The following AGBL3 variants were observed in gnomAD, a reference collection of about 807,000 sequenced individuals.
AGBL3 encodes cytosolic carboxypeptidase 3.
In AGBL3, 68 loss-of-function variants were observed where a neutral mutation model predicts 94.5. The ratio of observed to expected loss-of-function variants is 0.72; its 90% CI spans 0.59 to 0.88. The LOEUF (loss-of-function observed/expected upper bound fraction) is 0.88, where lower values mean the gene tolerates loss of function less well. Among genes scored for constraint, AGBL3 ranks in the 40% least tolerant of loss-of-function variants. The pLI is 0.00. For missense variants in AGBL3, 934 were observed against 1,103.8 expected (o/e 0.85, Z 2.18); for synonymous variants, 354 against 370.7 (o/e 0.95, Z 0.52).
intron 13 of AGBL3, 48 bp from the exon 14 acceptor site, chr7:135,080,155 T>G (rs1820799370): frequency 7.4e-7 from 1 of 1,348,568 alleles, no homozygotes; most frequent in Non-Finnish European, 1.0e-6. Flanking sequence ...ATACCCCATT[T>G]CATGTTGATA....
rs751857793 is a variant in AGBL3, at chr7:135,034,434, A to G, written c.843A>G (p.Thr281=). Residue 281 remains threonine, a synonymous_variant, in exon 7 of 17, where the codon ACA becomes ACG. Transcript: ENST00000436302. ...ATGGGCGCCATTATTTCTCTCTTAC[A>G]TGGACATTTCAATTTCCACACAACA... ...GQDGRHYFSL[T]WTFQFPHNKD... is the part of the protein sequence containing the mutation. 3.0e-5 allele frequency: 47 copies of G among 1,551,624 alleles called. No homozygotes were observed. Among genetic ancestry groups the G allele is most frequent in the Admixed American group, 3.9e-5 (2 of 50,982 alleles).
At chr7:135,088,725 G>A (rs969898975) in intron 15 of AGBL3, among the ~76,000 whole-genome samples, 2 of 152,038 alleles carry the variant, frequency 1.3e-5, no homozygotes, top group African/African-American at 4.8e-5. Context: ...TAAAGTTTCT[G>A]CAAAGAAATC....
intron 11 of AGBL3, among the ~76,000 whole-genome samples, chr7:135,051,686 G>A (rs191728131): frequency 6.6e-6 from 1 of 151,898 alleles, no homozygotes; most frequent in Admixed American, 6.6e-5. Flanking sequence ...TCAAATTTAA[G>A]ATTATAGAAC....
chr7:135,112,053 T>A (rs570437517), intron 15 of AGBL3, among the ~76,000 whole-genome samples: 1 of 152,224 alleles, frequency 6.6e-6, no homozygotes, highest in Non-Finnish European at 1.5e-5. Flanking sequence ...CCAAGACTTA[T>A]CCTAATGTTG....
At chr7:135,010,845 T>C (rs1813058189) in intron 4 of AGBL3, 2 of 152,270 alleles carry the variant, frequency 1.3e-5, no homozygotes, top group South Asian at 4.1e-4. Flanking sequence ...TAGAGGGAAA[T>C]AGCATGTTCA....
intron 15 of AGBL3, among the ~76,000 whole-genome samples, chr7:135,111,322 T>C (rs1224362864): frequency 6.6e-6 from 1 of 152,220 alleles, no homozygotes; most frequent in Non-Finnish European, 1.5e-5. Context: ...TTACCTTCAC[T>C]TCCTCACTTG....
In AGBL3 at chr7:135,076,407, T is replaced by C. The variant is rs1451844813; in HGVS notation, c.1919T>C (p.Leu640Ser). ...LLKLTSQKKH[L>S]KTKKERNSTI... ...TGATTCTTTTACTAGAAAAAACATT[T>C]GAAAACAAAGAAGGAAAGGAATTCT... is the stretch of plus-strand genomic sequence containing the variant. Residue 640 changes from leucine (L) to serine (S), a missense_variant, in exon 13 of 17, where the codon TTG (leucine) becomes TCG (serine). By Grantham distance (145) the Leu-to-Ser change is moderately radical. This residue lies in a region of AGBL3 where 441 missense variants were observed against 518.2 expected (regional missense o/e 0.85). Coordinates refer to ENST00000436302, the MANE Select transcript of AGBL3 (RefSeq NM_178563.4). 6.5e-7 allele frequency: 1 copy of C among 1,546,110 alleles called. No homozygotes were observed. Among genetic ancestry groups the C allele is most frequent in the East Asian group, 2.5e-5 (1 of 40,750 alleles).
At chr7:135,004,542 A>T (rs757577511) in intron 4 of AGBL3, among the ~76,000 whole-genome samples, 1 of 151,646 alleles carries the variant, frequency 6.6e-6, no homozygotes, top group Non-Finnish European at 1.5e-5. Flanking sequence ...TGTTTTAGAG[A>T]GACAGAGAAT....
rs201810239 is a variant in AGBL3, at chr7:135,012,741, G to GA, written c.311-4302dup. On this transcript the variant is annotated intron_variant, in intron 4 of 16. Coordinates refer to ENST00000436302, the MANE Select transcript of AGBL3 (RefSeq NM_178563.4). ...GTTGTAACAACTTAGCATACATGTA[G>GA]AAAAAAAAATCCTTGACCTCTACCT... 2.6e-3 allele frequency among the ~76,000 whole-genome samples: 399 copies of GA among 150,676 alleles called. 4 individuals carry two copies. Among genetic ancestry groups the GA allele is most frequent in the Non-Finnish European group, 3.2e-3 (214 of 67,560 alleles).
At chr7:135,021,442 C>T (rs1345292311) in intron 5 of AGBL3, among the ~76,000 whole-genome samples, 3 of 151,860 alleles carry the variant, frequency 2.0e-5, no homozygotes, top group Non-Finnish European at 4.4e-5. Context: ...CAGGCGCCCA[C>T]CACCACGCCT....
chr7:135,110,151 T>C (rs555178766), intron 15 of AGBL3, among the ~76,000 whole-genome samples: 1 of 152,138 alleles, frequency 6.6e-6, no homozygotes, highest in East Asian at 1.9e-4. Flanking sequence ...AGTGGCTGGC[T>C]GGAGTTCCAA....
At position 135,072,955 on chromosome 7, in the gene AGBL3, CAA is replaced by C. The variant is rs1401106827; in HGVS notation, c.1909-3437_1909-3436del. Reference sequence around the variant, plus strand: ...AATAAAATTAAAAAAAATTTCAAAACAAAAAAGATGAGGGGTGTGTGTATGTG... The same window carrying C: ...AATAAAATTAAAAAAAATTTCAAAACAAAAGATGAGGGGTGTGTGTATGTG... On this transcript the variant is annotated intron_variant, in intron 12 of 16. Coordinates refer to ENST00000436302, the MANE Select transcript of AGBL3 (RefSeq NM_178563.4). 9.1e-4 allele frequency among the ~76,000 whole-genome samples: 137 copies of C among 151,260 alleles called. 3 individuals carry two copies. The East Asian group carries it at 0.024, about 26-fold the overall frequency.
chr7:134,998,016 T>C (rs1811221734), intron 4 of AGBL3, among the ~76,000 whole-genome samples: 1 of 152,236 alleles, frequency 6.6e-6, no homozygotes, highest in Non-Finnish European at 1.5e-5. Context: ...TTCATTGATA[T>C]TACATACCAA....
At chr7:135,047,514 A>G (rs1817480810) in intron 11 of AGBL3, among the ~76,000 whole-genome samples, 1 of 151,882 alleles carries the variant, frequency 6.6e-6, no homozygotes, top group East Asian at 1.9e-4. Context: ...AAGGTTTTCA[A>G]TTTCTCCACA....
intron 15 of AGBL3, among the ~76,000 whole-genome samples, chr7:135,112,987 G>A (rs937011571): frequency 1.3e-5 from 2 of 152,120 alleles, no homozygotes; most frequent in East Asian, 1.9e-4. Context: ...CTGTTGGCCA[G>A]GCTAGTCTCG....
intron 15 of AGBL3, among the ~76,000 whole-genome samples, chr7:135,111,971 T>A (rs1204553158): frequency 4.6e-5 from 7 of 152,090 alleles, no homozygotes; most frequent in Admixed American, 4.6e-4. Flanking sequence ...TGTGTCCACT[T>A]CCGATCTCTT....
intron 8 of AGBL3, among the ~76,000 whole-genome samples, chr7:135,042,186 T>C (rs1240595001): frequency 6.6e-6 from 1 of 152,188 alleles, no homozygotes. Flanking sequence ...CCTTGAGAAA[T>C]GAAAAGGTAC....
intron 11 of AGBL3, among the ~76,000 whole-genome samples, chr7:135,049,663 A>AT (rs1362760336): frequency 6.6e-6 from 1 of 151,886 alleles, no homozygotes; most frequent in Non-Finnish European, 1.5e-5. Context: ...GTTTCTAGGC[A>AT]TTTATCTTCT....
chr7:135,089,933 C>A (rs1211478549), intron 15 of AGBL3, among the ~76,000 whole-genome samples: 1 of 152,092 alleles, frequency 6.6e-6, no homozygotes, highest in Admixed American at 6.5e-5. Flanking sequence ...CTCTCTATGG[C>A]AGAGTTGGAT....
Sources: allele counts gnomAD v4.1 joint callset (sites outside exome capture counted in the v4.1 genomes callset), GRCh38; gene constraint gnomAD v4.1.1; regional missense constraint gnomAD v4.1.1; transcripts MANE v1.5; gene names NCBI Gene and HGNC (gene_info 2026-07-23, HGNC 2026-07-21).